EXOC1: variants seen among roughly 807,000 people sequenced by gnomAD.
EXOC1 encodes the protein exocyst complex component 1, also known as SEC3-like 1.
EXOC1 carries 67 observed loss-of-function variants against 107.7 expected under a neutral mutation model. The ratio of observed to expected loss-of-function variants is 0.62; its 90% confidence interval spans 0.51 to 0.76. The LOEUF is 0.76. EXOC1 is among the 30% of genes least tolerant of loss of function. The pLI is 0.00. For synonymous variants in EXOC1, 348 were observed against 353.5 expected, an observed-to-expected ratio of 0.98 and a Z score of 0.17; for missense variants, 833 against 1,055.7, an observed-to-expected ratio of 0.79 and a Z score of 2.92.
In EXOC1 at chr4:55,870,733, T is replaced by G; in HGVS notation, c.659T>G (p.Leu220Trp). The G allele has an allele frequency of 6.2e-7, 1 of 1,613,916 alleles. No homozygotes were observed. The highest frequency in any genetic ancestry group is 1.1e-5 in the South Asian group (1 of 91,078). The change falls in exon 6 of 19, where the codon TTG (leucine) becomes TGG (tryptophan). Residue 220 changes from leucine to tryptophan, a missense_variant. Transcript: ENST00000381295. ...AAACAAGTCAACATCCTGATGAAAT[T>G]GCTAGATGAGGCTCTAAAGGAGGTA... ...SEKQVNILMK[L>W]LDEALKEVDQ... is the part of the protein sequence containing the mutation.
chr4:55,856,617 G>A (rs1051965876), intron 1 of EXOC1, among the ~76,000 whole-genome samples: 1 of 152,140 alleles, frequency 6.6e-6, no homozygotes, highest in Non-Finnish European at 1.5e-5. Flanking sequence ...AAGAAATAGT[G>A]TTTTAGAAGT....
rs766070686 is a variant in EXOC1, at chr4:55,890,323, G to T, written c.1476G>T (p.Leu492=). 6.2e-6 allele frequency: 10 copies of T among 1,613,904 alleles called. No individual in the cohort carries two copies. The South Asian group carries it at 1.1e-4, about 18-fold the overall frequency. ...SGNRRSQSSS[L]LDMGNMSASD... ...ATCGCAGATCTCAGTCATCTTCCCT[G>T]TTGGATATGGGAAACATGTCTGCCT... The change falls in exon 12 of 19, where the codon CTG becomes CTT. Residue 492 remains leucine (L), a synonymous_variant. Coordinates refer to ENST00000381295, the MANE Select transcript of EXOC1 (RefSeq NM_001024924.2).
intron 9 of EXOC1, among the ~76,000 whole-genome samples, chr4:55,880,427 T>G (rs1222810725): frequency 1.3e-5 from 2 of 152,148 alleles, no homozygotes; most frequent in African/African-American, 4.8e-5. Context: ...CACTGTTGTG[T>G]TATATTTTCT....
intron 8 of EXOC1, 42 bp from the exon 9 acceptor site, chr4:55,877,875 G>A (rs760046492): frequency 1.2e-6 from 2 of 1,607,152 alleles, no homozygotes; most frequent in Non-Finnish European, 1.7e-6. Context: ...ACGTTTCTTT[G>A]TACTGTTGAT....
intron 18 of EXOC1, among the ~76,000 whole-genome samples, chr4:55,903,147 TAAA>T (rs10544843): frequency 4.1e-5 from 4 of 98,500 alleles, no homozygotes; most frequent in South Asian, 6.8e-4. Flanking sequence ...GTGTCTCAAT[TAAA>T]AAAAAAAAAA....
At chr4:55,882,038 A>G (rs1271993338) in intron 9 of EXOC1, among the ~76,000 whole-genome samples, 1 of 152,232 alleles carries the variant, frequency 6.6e-6, no homozygotes, top group Non-Finnish European at 1.5e-5. Flanking sequence ...GAGCCAGTAG[A>G]GAAGATGGTG....
At position 55,883,803 on chromosome 4, in the gene EXOC1, CAT is replaced by C. The variant is rs772172832; in HGVS notation, c.1225-19_1225-18del. 34 of 1,433,590 alleles carry C rather than the reference CAT, an allele frequency of 2.4e-5. No individual in the cohort carries two copies. Among genetic ancestry groups the C allele is most frequent in the Non-Finnish European group, 3.0e-5 (31 of 1,046,688 alleles). The allele number at this position is 1,433,590 out of a possible 1,614,324, so 88.8% of individuals were successfully genotyped here. A position where few individuals can be genotyped will look rare whatever the true frequency, so the allele number is the denominator to read the frequency against. On this transcript the variant is annotated intron_variant, in intron 9 of 18. Coordinates refer to ENST00000381295, the MANE Select transcript of EXOC1 (RefSeq NM_001024924.2). ...ATATGTGTTTTATTAATAAGAAGTA[CAT>C]GTTACTTTTATTTTAAGAATTACAT...
chr4:55,899,745 T>TG lies in EXOC1; in HGVS notation c.2198_2199insG (p.Phe733LeufsTer44). The TG allele has an allele frequency of 6.2e-7, 1 of 1,613,798 alleles. No homozygotes were observed. The highest frequency in any genetic ancestry group is 1.7e-4 in the Middle Eastern group (1 of 6,052). ...AGGGATGTGGTTATGATGGAAAACT[T>TG]TCACCATATTTTTGCAACTCTTTCT... is the stretch of plus-strand genomic sequence containing the variant. On this transcript the variant is annotated frameshift_variant, in exon 17 of 19. Coordinates refer to ENST00000381295, the MANE Select transcript of EXOC1 (RefSeq NM_001024924.2). LOFTEE classifies it high-confidence loss of function.
At chr4:55,866,980 T>A (rs1722017805) in intron 4 of EXOC1, 1 of 685,256 alleles carries the variant, frequency 1.5e-6, no homozygotes, top group Non-Finnish European at 1.8e-6. Flanking sequence ...TATGAAATGA[T>A]GTACTGGGAC....
intron 9 of EXOC1, among the ~76,000 whole-genome samples, chr4:55,878,752 G>GA (rs1327755281): frequency 6.6e-6 from 1 of 152,096 alleles, no homozygotes; most frequent in Non-Finnish European, 1.5e-5. Context: ...ACAAAGGTGG[G>GA]AAAAATACAC....
intron 7 of EXOC1, among the ~76,000 whole-genome samples, 169 bp downstream of exon 7, chr4:55,871,402 T>G (rs1722425027): frequency 6.6e-6 from 1 of 152,218 alleles, no homozygotes. Context: ...TACTAGGAAC[T>G]TTTTTACTTC....
At chr4:55,864,414 A>G (rs777811210) in intron 4 of EXOC1, 28 bp downstream of exon 4, 8 of 1,541,132 alleles carry the variant, frequency 5.2e-6, no homozygotes, top group East Asian at 4.6e-5. Context: ...TGTATATGTA[A>G]AATCAATTAT....
At chr4:55,857,687 TGAG>T (rs2110305205) in intron 1 of EXOC1, among the ~76,000 whole-genome samples, 1 of 152,330 alleles carries the variant, frequency 6.6e-6, no homozygotes, top group East Asian at 1.9e-4. Context: ...TTTCACTTTA[TGAG>T]GAGTCACCAA....
At chr4:55,870,414 A>T (rs961745837) in intron 5 of EXOC1, among the ~76,000 whole-genome samples, 1 of 152,360 alleles carries the variant, frequency 6.6e-6, no homozygotes, top group African/African-American at 2.4e-5. Flanking sequence ...TTACTTGTGC[A>T]GTCTGTGGAA....
In EXOC1 at chr4:55,871,090, A is replaced by G. The variant is rs370540468; in HGVS notation, c.832-11A>G. On this transcript the variant is annotated splice_polypyrimidine_tract_variant and intron_variant, in intron 6 of 18. Transcript: ENST00000381295. ...TTACACATGCAAATGGTGTGTTTGC[A>G]TATATTCTAGAACCACATGGACTTG... 2.5e-5 allele frequency: 40 copies of G among 1,612,102 alleles called. No homozygotes were observed. The highest frequency in any genetic ancestry group is 3.3e-4 in the Middle Eastern group (2 of 6,046).
intron 1 of EXOC1, among the ~76,000 whole-genome samples, chr4:55,857,642 T>TG (rs149412934): frequency 0.084 from 12,860 of 152,222 alleles, 641 homozygotes; most frequent in African/African-American, 0.12. Flanking sequence ...TCAGTTCTCC[T>TG]GGAGTGGAAT....
intron 4 of EXOC1, among the ~76,000 whole-genome samples, chr4:55,867,209 C>T (rs551882091): frequency 3.3e-5 from 5 of 152,262 alleles, no homozygotes; most frequent in African/African-American, 7.2e-5. Context: ...TGAACTTTTT[C>T]GCAGTGAATT....
At chr4:55,893,438 G>T in intron 14 of EXOC1, 114 bp from the exon 15 acceptor site, 1 of 962,454 alleles carries the variant, frequency 1.0e-6, no homozygotes, top group Non-Finnish European at 1.5e-6. Context: ...ATTTTTAATT[G>T]AAATTTAATT....
chr4:55,870,820 T>C lies in EXOC1; in HGVS notation c.746T>C (p.Met249Thr), dbSNP rs757768400. The change falls in exon 6 of 19, where the codon ATG becomes ACG. Residue 249 changes from methionine to threonine, a missense_variant. Physicochemically the swap from Met to Thr is moderately conservative, Grantham distance 81. Transcript: ENST00000381295. ...ATGCTCCAAAGTGTAAAAGAACAAA[T>C]GGATCAGATCTCTGAAAGCAACCAC... is the stretch of plus-strand genomic sequence containing the variant. ...EEMLQSVKEQ[M>T]DQISESNHLI... 2.5e-6 allele frequency: 4 copies of C among 1,613,842 alleles called. No individual in the cohort carries two copies. Among genetic ancestry groups the C allele is most frequent in the South Asian group, 1.1e-5 (1 of 91,070 alleles).
Sources: allele counts gnomAD v4.1 joint callset (sites outside exome capture counted in the v4.1 genomes callset), GRCh38; gene constraint gnomAD v4.1.1; transcripts MANE v1.5; gene names NCBI Gene and HGNC (gene_info 2026-07-23, HGNC 2026-07-21).